NRSN1: variants seen among roughly 807,000 people sequenced by gnomAD.
NRSN1 encodes neurensin-1.
A neutral mutation model predicts 17.3 loss-of-function variants in NRSN1; 14 were observed. The ratio of observed to expected loss-of-function variants is 0.81; its 90% CI spans 0.54 to 1.27. The LOEUF is 1.27. Among genes scored for constraint, NRSN1 ranks in the 50% most tolerant of loss-of-function variants. The pLI is 0.00. For synonymous variants in NRSN1, 79 were observed against 94.2 expected (o/e 0.84, Z 0.93); for missense variants, 209 against 235.9 (o/e 0.89, Z 0.75).
intron 2 of NRSN1, among the ~76,000 whole-genome samples, chr6:24,130,593 G>A (rs4449613): frequency 0.31 from 47,224 of 151,916 alleles, 7,686 homozygotes; most frequent in East Asian, 0.59. Context: ...TCAGACCCTC[G>A]GGGATCCTAT....
intron 2 of NRSN1, among the ~76,000 whole-genome samples, chr6:24,131,430 C>T (rs1020343129): frequency 2.0e-5 from 3 of 152,054 alleles, no homozygotes; most frequent in African/African-American, 7.2e-5. Context: ...CTATTTTTGT[C>T]CCTTTTTCAT....
intron 3 of NRSN1, among the ~76,000 whole-genome samples, chr6:24,135,955 T>C (rs1760112952): frequency 1.3e-5 from 2 of 152,354 alleles, no homozygotes; most frequent in Middle Eastern, 6.8e-3. Flanking sequence ...TTTTTTGACA[T>C]GGATATTGAC....
intron 2 of NRSN1, among the ~76,000 whole-genome samples, chr6:24,130,447 ACTCT>A (rs982989568): frequency 4.6e-5 from 7 of 152,118 alleles, no homozygotes; most frequent in Non-Finnish European, 1.0e-4. Context: ...GAGATGTATA[ACTCT>A]CTGTTGAGAT....
intron 3 of NRSN1, chr6:24,141,567 CCTCT>C (rs1444824618): frequency 6.5e-6 from 1 of 153,938 alleles, no homozygotes; most frequent in Non-Finnish European, 1.4e-5. Context: ...AGAGGGCGAG[CCTCT>C]CTCTGATTCT....
intron 3 of NRSN1, among the ~76,000 whole-genome samples, chr6:24,135,069 T>A (rs565609248): frequency 5.3e-5 from 8 of 152,212 alleles, no homozygotes; most frequent in Non-Finnish European, 1.2e-4. Context: ...TTAGTGAGCA[T>A]CTACTCTGTG....
rs74668060 is a variant in NRSN1 at position 24,145,614 on chromosome 6, G to T, written c.256G>T (p.Val86Leu). 1.2e-6 allele frequency: 2 copies of T among 1,613,364 alleles called. No individual in the cohort carries two copies. The highest frequency in any genetic ancestry group is 8.5e-7 in the Non-Finnish European group (1 of 1,179,628). The change falls in exon 4 of 4, where the codon GTG becomes TTG. Residue 86 changes from valine to leucine, a missense_variant. Val to Leu is a conservative substitution (Grantham distance 32, BLOSUM62 1). Transcript: ENST00000378491. The surrounding 1 kb of genome is among the most constrained non-coding windows in gnomAD (Gnocchi z 4.4). ...GACTGTTCTGGCAGTGGGCTTTCTT[G>T]TGCCCCCCAAAATCGAAGCATTTGG... Reference protein sequence around the residue: ...GLTVLAVGFLVPPKIEAFGEA... With the variant: ...GLTVLAVGFLLPPKIEAFGEA...
chr6:24,141,969 T>G (rs1179488540), intron 3 of NRSN1, among the ~76,000 whole-genome samples: 1 of 152,194 alleles, frequency 6.6e-6, no homozygotes, highest in African/African-American at 2.4e-5. Flanking sequence ...AGGGAGTTAG[T>G]TTAGTGACAT....
At chr6:24,131,994 T>C (rs1054018904) in intron 2 of NRSN1, among the ~76,000 whole-genome samples, 4 of 152,140 alleles carry the variant, frequency 2.6e-5, no homozygotes. Context: ...CTCCCTGCAC[T>C]CTTTCCCTGG....
chr6:24,145,657 T>C lies in NRSN1; in HGVS notation c.299T>C (p.Val100Ala), dbSNP rs1326713869. Reference protein sequence around the residue: ...IEAFGEADFVVVDTHAVQFNS... With the variant: ...IEAFGEADFVAVDTHAVQFNS... Reference sequence around the variant, plus strand: ...GCATTTGGCGAAGCCGATTTTGTGGTGGTCGACACACATGCTGTCCAGTTT... The same window carrying C: ...GCATTTGGCGAAGCCGATTTTGTGGCGGTCGACACACATGCTGTCCAGTTT... Residue 100 changes from valine to alanine, a missense_variant, in exon 4 of 4, where the codon GTG becomes GCG. By Grantham distance (64) the Val-to-Ala change is moderately conservative. Coordinates refer to ENST00000378491, the MANE Select transcript of NRSN1 (RefSeq NM_080723.5). This position sits in a 1 kb window ranked among gnomAD's most constrained non-coding sequence, Gnocchi z 4.4. The C allele has an allele frequency of 1.9e-6, 3 of 1,614,028 alleles. No individual in the cohort carries two copies. In the African/African-American group the frequency reaches 4.0e-5, roughly 22 times the overall value.
intron 2 of NRSN1, 126 bp from the exon 3 acceptor site, chr6:24,134,193 T>C (rs28921124): frequency 0.086 from 66,600 of 776,254 alleles, 3,369 homozygotes; most frequent in East Asian, 0.18. Context: ...AAGTACCTTT[T>C]CTGTAATGAA....
chr6:24,140,016 A>G (rs962408113), intron 3 of NRSN1, among the ~76,000 whole-genome samples: 1 of 152,234 alleles, frequency 6.6e-6, no homozygotes, highest in African/African-American at 2.4e-5. Flanking sequence ...TTTGGAGCAG[A>G]GATACACAGA....
intron 2 of NRSN1, chr6:24,128,752 C>T (rs1759988234): frequency 6.6e-6 from 1 of 152,174 alleles, no homozygotes; most frequent in Admixed American, 6.5e-5. Context: ...TAATGGGAAC[C>T]TCAGTCTCAT....
chr6:24,142,548 C>G (rs1760227064), intron 3 of NRSN1, among the ~76,000 whole-genome samples: 1 of 152,090 alleles, frequency 6.6e-6, no homozygotes, highest in African/African-American at 2.4e-5. Flanking sequence ...AACCTCCACC[C>G]ACCCAGGTTC....
intron 3 of NRSN1, among the ~76,000 whole-genome samples, chr6:24,139,308 T>C (rs1330145931): frequency 1.3e-5 from 2 of 152,204 alleles, no homozygotes; most frequent in Non-Finnish European, 1.5e-5. Context: ...ATTTCTCAGA[T>C]TGCCTTTGAA....
Position 24,145,641 on chromosome 6 carries a change from G to A in NRSN1, c.283G>A (p.Glu95Lys), listed in dbSNP as rs769474942. The change falls in exon 4 of 4, where the codon GAA (glutamate) becomes AAA (lysine). Residue 95 changes from glutamate to lysine, a missense_variant. Glu to Lys is a moderately conservative substitution (Grantham distance 56). Coordinates refer to ENST00000378491, the MANE Select transcript of NRSN1 (RefSeq NM_080723.5). The surrounding 1 kb of genome is among the most constrained non-coding windows in gnomAD (Gnocchi z 4.4). ...LVPPKIEAFG[E>K]ADFVVVDTHA... ...GCCCCCCAAAATCGAAGCATTTGGC[G>A]AAGCCGATTTTGTGGTGGTCGACAC... 1.8e-5 allele frequency: 29 copies of A among 1,613,940 alleles called. No individual in the cohort carries two copies. Among genetic ancestry groups the A allele is most frequent in the Admixed American group, 1.7e-4 (10 of 59,996 alleles).
chr6:24,133,005 T>G (rs1760060672), intron 2 of NRSN1, among the ~76,000 whole-genome samples: 1 of 152,228 alleles, frequency 6.6e-6, no homozygotes, highest in Non-Finnish European at 1.5e-5. Context: ...TAACTGACAA[T>G]TCCCTTATTC....
At chr6:24,141,359 C>A in intron 3 of NRSN1, 2 of 758,126 alleles carry the variant, frequency 2.6e-6, no homozygotes, top group East Asian at 3.9e-5. Context: ...TGATGAGTCC[C>A]AACTGCTCTC....
intron 3 of NRSN1, chr6:24,141,252 T>A (rs1171016981): frequency 7.9e-7 from 1 of 1,262,732 alleles, no homozygotes; most frequent in Non-Finnish European, 1.0e-6. Context: ...CCAATTCGAC[T>A]TTGAACTGTG....
intron 3 of NRSN1, among the ~76,000 whole-genome samples, chr6:24,138,402 G>A (rs1760149181): frequency 6.6e-6 from 1 of 152,084 alleles, no homozygotes; most frequent in Non-Finnish European, 1.5e-5. Flanking sequence ...CTTTGACCTT[G>A]ACTAAGGCTG....
Sources: gnomAD v4.1 joint callset for allele counts (sites outside exome capture counted in the v4.1 genomes callset) on GRCh38, gnomAD v4.1.1 for gene constraint, Gnocchi (gnomAD v3.1) non-coding constraint, MANE v1.5 for transcripts, NCBI Gene and HGNC (gene_info 2026-07-23, HGNC 2026-07-21) for gene names.